Variants in TPCN2 observed in about 807,000 individuals in gnomAD.
The protein encoded by TPCN2 is two pore channel protein 2.
A neutral mutation model predicts 111.4 loss-of-function variants in TPCN2; 92 were observed. That is an observed-to-expected ratio of 0.83 (90% CI 0.70 to 0.98). The LOEUF is 0.98. Ranked by LOEUF, TPCN2 falls within the 50% of genes least tolerant of loss-of-function variation. TPCN2 has a pLI of 0.00. For missense variants in TPCN2, 995 were observed against 980.1 expected, an observed-to-expected ratio of 1.02 and a Z score of -0.20; for synonymous variants, 405 against 414.5, an observed-to-expected ratio of 0.98 and a Z score of 0.28.
intron 4 of TPCN2, 47 bp downstream of exon 4, chr11:69,055,399 G>A (rs756697476): frequency 7.2e-5 from 109 of 1,517,374 alleles, no homozygotes; most frequent in Non-Finnish European, 9.4e-5. Context: ...GCCTCCCAGC[G>A]CCTGGCCGCT....
intron 7 of TPCN2, among the ~76,000 whole-genome samples, chr11:69,066,569 G>T (rs1374573392): frequency 6.6e-6 from 1 of 152,228 alleles, no homozygotes; most frequent in Non-Finnish European, 1.5e-5. Context: ...CTATTGATGC[G>T]GCTGTGAGGC....
At chr11:69,066,374 C>G (rs907174708) in intron 7 of TPCN2, among the ~76,000 whole-genome samples, 2 of 152,208 alleles carry the variant, frequency 1.3e-5, no homozygotes, top group African/African-American at 2.4e-5. Context: ...GGAGCCTGTC[C>G]CTACCCGTGG....
At chr11:69,077,981 T>C (rs1855862027) in intron 13 of TPCN2, among the ~76,000 whole-genome samples, 1 of 152,184 alleles carries the variant, frequency 6.6e-6, no homozygotes, top group South Asian at 2.1e-4. Flanking sequence ...CACAGACGTG[T>C]CTCAAGGAGG....
intron 1 of TPCN2, among the ~76,000 whole-genome samples, chr11:69,050,866 G>T (rs1416309225): frequency 1.3e-5 from 2 of 152,172 alleles, no homozygotes; most frequent in East Asian, 3.9e-4. Flanking sequence ...GGTGAGACCC[G>T]CTCTGCTGGG....
chr11:69,089,340 A>T lies in TPCN2; in HGVS notation c.*1387A>T, dbSNP rs1024499479. ...GAGAAGCTTCCTTCTGAGTCACTTGAGTGGTTGCCGTTCTGGCCCTGCACC... is the reference window on the plus strand; with the variant it reads ...GAGAAGCTTCCTTCTGAGTCACTTGTGTGGTTGCCGTTCTGGCCCTGCACC... On this transcript the variant is annotated 3_prime_UTR_variant, in exon 25 of 25. Transcript: ENST00000294309. The T allele has an allele frequency of 6.6e-6, 1 of 152,278 alleles. No homozygotes were observed. Among genetic ancestry groups the T allele is most frequent in the African/African-American group, 2.4e-5 (1 of 41,468 alleles). The allele number at this position is 152,278 out of a possible 1,614,324, so 9.4% of individuals were successfully genotyped here.
In TPCN2 at chr11:69,078,171, T is replaced by TA. The variant is rs533297152; in HGVS notation, c.1231-311_1231-310insA. On this transcript the variant is annotated intron_variant, in intron 13 of 24. Coordinates refer to ENST00000294309, the MANE Select transcript of TPCN2 (RefSeq NM_139075.4). ...TTTTTTCACACAGCTTTTTTTTTTTTTATATATATCAGGGTGACACTTTGC... is the reference window on the plus strand; with the variant it reads ...TTTTTTCACACAGCTTTTTTTTTTTTATATATATATCAGGGTGACACTTTGC... 3.3e-3 allele frequency among the ~76,000 whole-genome samples: 499 copies of TA among 151,866 alleles called. 1 individual carries two copies. The highest frequency in any genetic ancestry group is 4.7e-3 in the Non-Finnish European group (321 of 67,900).
In TPCN2 at chr11:69,055,365, CCAGGCCCTCT is replaced by C. The variant is rs1377142579; in HGVS notation, c.429+14_429+23del. 6.3e-7 allele frequency: 1 copy of C among 1,594,266 alleles called. No homozygotes were observed. The highest frequency in any genetic ancestry group is 1.7e-5 in the Admixed American group (1 of 57,840). On this transcript the variant is annotated intron_variant, in intron 4 of 24. Transcript: ENST00000294309. ...CCTCTCTGTGAAGGTGAGGCGGGCG[CCAGGCCCTCT>C]ACGTGCTGCCCCGGCCTCCCAGCGC...
At chr11:69,079,140 C>T in intron 16 of TPCN2, 120 bp downstream of exon 16, 1 of 1,340,416 alleles carries the variant, frequency 7.5e-7, no homozygotes, top group Non-Finnish European at 1.0e-6. Context: ...AGGTGGGCTT[C>T]TGCTCTCAGT....
chr11:69,081,354 GGGGCTCCT>G lies in TPCN2; in HGVS notation c.1590-37_1590-30del, dbSNP rs1222628187. 8 of 1,373,260 alleles carry G rather than the reference GGGGCTCCT, an allele frequency of 5.8e-6. No individual in the cohort carries two copies. The South Asian group carries it at 1.0e-4, about 17-fold the overall frequency. The allele number at this position is 1,373,260 out of a possible 1,614,324, so 85.1% of individuals were successfully genotyped here. A position where few individuals can be genotyped will look rare whatever the true frequency, so the allele number is the denominator to read the frequency against. On this transcript the variant is annotated intron_variant, in intron 17 of 24. Transcript: ENST00000294309. The stretch of plus-strand genomic sequence containing the variant: ...GCGCGTTTCCTTGTCTCCTCCCTGT[GGGGCTCCT>G]GGGCTCCTCCCAACCCGCCTCCCGT...
At chr11:69,083,020 C>T (rs868274704) in intron 18 of TPCN2, among the ~76,000 whole-genome samples, 15 of 145,196 alleles carry the variant, frequency 1.0e-4, no homozygotes, top group Admixed American at 2.2e-4. Flanking sequence ...GTGCACACAT[C>T]GCATGCAGAT....
At chr11:69,087,774 A>C in intron 24 of TPCN2, 101 bp from the exon 25 acceptor site, 1 of 867,306 alleles carries the variant, frequency 1.2e-6, no homozygotes, top group Non-Finnish European at 1.8e-6. Flanking sequence ...TGTGACACTC[A>C]CTTCGCATGT....
At chr11:69,060,980 G>C (rs1005247865) in intron 5 of TPCN2, among the ~76,000 whole-genome samples, 7 of 152,228 alleles carry the variant, frequency 4.6e-5, no homozygotes, top group African/African-American at 1.7e-4. Context: ...TTTTGAGAAT[G>C]GTGATTCACT....
intron 5 of TPCN2, among the ~76,000 whole-genome samples, chr11:69,061,341 C>T (rs753686345): frequency 6.4e-4 from 98 of 152,240 alleles, no homozygotes; most frequent in Admixed American, 2.2e-3. Flanking sequence ...CCGTGGACCC[C>T]GGAGGCCATG....
intron 5 of TPCN2, among the ~76,000 whole-genome samples, chr11:69,062,601 T>TTGGAAA (rs57439150): frequency 6.6e-6 from 1 of 151,494 alleles, no homozygotes; most frequent in Non-Finnish European, 1.5e-5. Flanking sequence ...GAGGATGGCC[T>TTGGAAA]GGGACAGGGA....
intron 7 of TPCN2, among the ~76,000 whole-genome samples, chr11:69,066,229 A>G (rs932153787): frequency 1.3e-5 from 2 of 152,072 alleles, no homozygotes; most frequent in Admixed American, 6.5e-5. Context: ...GCCTGGACCC[A>G]GTGCTGTGGT....
In TPCN2 at chr11:69,087,986, G is replaced by A; in HGVS notation, c.*33G>A. The A allele has an allele frequency of 6.3e-7, 1 of 1,582,524 alleles. No individual in the cohort carries two copies. The highest frequency in any genetic ancestry group is 1.1e-5 in the South Asian group (1 of 87,766). On this transcript the variant is annotated 3_prime_UTR_variant, in exon 25 of 25. Coordinates refer to ENST00000294309, the MANE Select transcript of TPCN2 (RefSeq NM_139075.4). ...GCTGCCGTCCCAGCAGGGGCGGCAG[G>A]AGAGAGAGGCTGGCCTACACAGGTG... is the stretch of plus-strand genomic sequence containing the variant.
rs574229694 is a variant in TPCN2, at chr11:69,088,394, G to C, written c.*441G>C. ...GGGGATGCTGGTGGTTTGACATGGA[G>C]AGAACCTTGACTGTGTTTTATTATT... On this transcript the variant is annotated 3_prime_UTR_variant, in exon 25 of 25. Transcript: ENST00000294309. 5.8e-6 allele frequency: 1 copy of C among 171,700 alleles called. No individual in the cohort carries two copies. Among genetic ancestry groups the C allele is most frequent in the Admixed American group, 5.7e-5 (1 of 17,630 alleles). The allele number at this position is 171,700 out of a possible 1,614,324, so 10.6% of individuals were successfully genotyped here.
intron 5 of TPCN2, among the ~76,000 whole-genome samples, chr11:69,062,267 T>C (rs965370676): frequency 6.6e-6 from 1 of 152,126 alleles, no homozygotes; most frequent in African/African-American, 2.4e-5. Flanking sequence ...CCCCTCCTGC[T>C]AGATCCCGCT....
intron 7 of TPCN2, among the ~76,000 whole-genome samples, chr11:69,064,285 C>CG (rs60121347): frequency 7.5e-6 from 1 of 132,504 alleles, no homozygotes; most frequent in Non-Finnish European, 1.6e-5. Flanking sequence ...ACTTCCCTCC[C>CG]CCCTCCCTAT....
Sources: allele counts gnomAD v4.1 joint callset (sites outside exome capture counted in the v4.1 genomes callset), GRCh38; gene constraint gnomAD v4.1.1; transcripts MANE v1.5; gene names NCBI Gene and HGNC (gene_info 2026-07-23, HGNC 2026-07-21).